Variants in LIMS1 observed in about 807,000 individuals in gnomAD.
The protein encoded by LIMS1 is LIM and senescent cell antigen-like-containing domain protein 1.
In LIMS1, 18 loss-of-function variants were observed where a neutral mutation model predicts 44.1. That is an observed-to-expected ratio of 0.41 (90% CI 0.28 to 0.61). The LOEUF (loss-of-function observed/expected upper bound fraction) is 0.61, where lower values mean the gene tolerates loss of function less well. LIMS1 is among the 20% of genes least tolerant of loss of function. The probability of loss-of-function intolerance (pLI) is 0.32; values close to 1 mark genes in which losing one functional copy is unlikely to be tolerated. For synonymous variants in LIMS1, 93 were observed against 149.1 expected (o/e 0.62, Z 2.74); for missense variants, 201 against 422.0 (o/e 0.48, Z 4.59).
chr2:108,664,648 A>G (rs912211096), intron 2 of LIMS1, among the ~76,000 whole-genome samples: 3 of 152,220 alleles, frequency 2.0e-5, no homozygotes, highest in African/African-American at 7.2e-5. Flanking sequence ...TATATCATAG[A>G]GTTTTACTTT....
chr2:108,684,994 A>G (rs901078187), exon 10 of LIMS1: 4 of 152,174 alleles, frequency 2.6e-5, no homozygotes, highest in Non-Finnish European at 2.9e-5. Context: ...CAGAATACCA[A>G]CTAAAACTAA....
At chr2:108,631,643 C>T (rs1381643350) in intron 1 of LIMS1, among the ~76,000 whole-genome samples, 2 of 151,300 alleles carry the variant, frequency 1.3e-5, no homozygotes, top group Non-Finnish European at 2.9e-5. Context: ...CTGATTACTA[C>T]TTTACTTACT....
At chr2:108,586,124 G>A (rs1686090990) in intron 1 of LIMS1, among the ~76,000 whole-genome samples, 6 of 152,082 alleles carry the variant, frequency 3.9e-5, no homozygotes, top group Admixed American at 2.6e-4. Context: ...CCCAGGAGGC[G>A]GAGCTTGCAG....
At chr2:108,623,979 A>AG (rs1688415684) in intron 1 of LIMS1, among the ~76,000 whole-genome samples, 1 of 152,268 alleles carries the variant, frequency 6.6e-6, no homozygotes, top group Non-Finnish European at 1.5e-5. Flanking sequence ...AAACCGAAGC[A>AG]GGTAAAAGGT....
chr2:108,635,887 C>A (rs921587646), intron 1 of LIMS1, among the ~76,000 whole-genome samples: 1 of 152,152 alleles, frequency 6.6e-6, no homozygotes, highest in African/African-American at 2.4e-5. Context: ...TAAGTGACAT[C>A]TTGGAGAAAG....
At chr2:108,553,779 A>C (rs1304926944) in intron 1 of LIMS1, among the ~76,000 whole-genome samples, 1 of 152,192 alleles carries the variant, frequency 6.6e-6, no homozygotes, top group Non-Finnish European at 1.5e-5. Flanking sequence ...GTTGGACATT[A>C]GAGTATATGG....
chr2:108,568,176 A>C (rs1157640867), intron 1 of LIMS1, among the ~76,000 whole-genome samples: 3 of 152,238 alleles, frequency 2.0e-5, no homozygotes, highest in Admixed American at 2.0e-4. Context: ...CTGCAGAAAA[A>C]TTGGTTTCAT....
At chr2:108,592,415 T>C (rs2718715) in intron 1 of LIMS1, among the ~76,000 whole-genome samples, 25,902 of 152,076 alleles carry the variant, frequency 0.17, 2,619 homozygotes, top group African/African-American at 0.27. Flanking sequence ...ATGGGACATA[T>C]AATACAGAAT....
chr2:108,620,637 G>C (rs753508902), intron 1 of LIMS1, among the ~76,000 whole-genome samples: 1 of 152,178 alleles, frequency 6.6e-6, no homozygotes, highest in Non-Finnish European at 1.5e-5. Flanking sequence ...CATTGTGTCA[G>C]CCGGGGTGGC....
intron 1 of LIMS1, among the ~76,000 whole-genome samples, chr2:108,580,869 A>G (rs1226328625): frequency 6.6e-6 from 1 of 152,144 alleles, no homozygotes; most frequent in East Asian, 1.9e-4. Context: ...ATCTAAGCAG[A>G]CCACATTTAA....
chr2:108,543,355 A>G (rs10192524), intron 1 of LIMS1, among the ~76,000 whole-genome samples: 57,692 of 152,094 alleles, frequency 0.38, 12,622 homozygotes, highest in East Asian at 0.89. Flanking sequence ...CTCCATAACA[A>G]CTGTTTCAAT....
At chr2:108,538,908 C>T (rs1376179935) in intron 1 of LIMS1, among the ~76,000 whole-genome samples, 1 of 152,136 alleles carries the variant, frequency 6.6e-6, no homozygotes, top group African/African-American at 2.4e-5. Context: ...AACAAGCTGT[C>T]TTAGAGCGGT....
chr2:108,603,495 CTTTT>C (rs55909729), intron 1 of LIMS1, among the ~76,000 whole-genome samples: 23 of 88,226 alleles, frequency 2.6e-4, no homozygotes, highest in East Asian at 1.1e-3. Context: ...TTTTCATCGC[CTTTT>C]TTTTTTTTTT....
At chr2:108,626,793 A>G (rs1221626792) in intron 1 of LIMS1, among the ~76,000 whole-genome samples, 1 of 152,214 alleles carries the variant, frequency 6.6e-6, no homozygotes, top group Non-Finnish European at 1.5e-5. Context: ...TATCTATCAG[A>G]GTATAGATCA....
At chr2:108,604,761 G>T (rs996430380) in intron 1 of LIMS1, among the ~76,000 whole-genome samples, 23 of 152,128 alleles carry the variant, frequency 1.5e-4, no homozygotes, top group Non-Finnish European at 5.9e-5. Context: ...ATGAAACAGG[G>T]GACCAGCAGG....
chr2:108,653,124 G>A (rs144504023), intron 1 of LIMS1, among the ~76,000 whole-genome samples: 2,550 of 152,058 alleles, frequency 0.017, 42 homozygotes, highest in African/African-American at 0.035. Flanking sequence ...AGAAAGACTT[G>A]GTCCCCTGCT....
intron 1 of LIMS1, among the ~76,000 whole-genome samples, chr2:108,581,948 A>C (rs571978086): frequency 9.3e-4 from 141 of 152,204 alleles, no homozygotes; most frequent in African/African-American, 2.6e-3. Context: ...AAAAAAAAAA[A>C]AAACAAACAA....
At chr2:108,678,163 T>C (rs1388496000) in intron 8 of LIMS1, 136 bp downstream of exon 8, 15 of 900,388 alleles carry the variant, frequency 1.7e-5, no homozygotes, top group Admixed American at 2.7e-5. Context: ...TTTGGCGTAT[T>C]TTCCAAGTAA....
intron 1 of LIMS1, among the ~76,000 whole-genome samples, chr2:108,578,135 T>A (rs1306102789): frequency 1.3e-5 from 2 of 152,190 alleles, no homozygotes; most frequent in Non-Finnish European, 2.9e-5. Context: ...GGTCTCGAAC[T>A]CCTGACCTCG....
Sources: gnomAD v4.1 joint callset for allele counts (sites outside exome capture counted in the v4.1 genomes callset) on GRCh38, gnomAD v4.1.1 for gene constraint, MANE v1.5 for transcripts, NCBI Gene and HGNC (gene_info 2026-07-23, HGNC 2026-07-21) for gene names.